Variants in HIPK2 observed in about 807,000 individuals in gnomAD.
HIPK2 encodes the protein homeodomain interacting protein kinase 2.
In HIPK2, 27 loss-of-function variants were observed where a neutral mutation model predicts 113.7. The ratio of observed to expected loss-of-function variants is 0.24; its 90% CI spans 0.17 to 0.33. The LOEUF is 0.33. Ranked by LOEUF, HIPK2 falls within the 10% of genes least tolerant of loss-of-function variation. HIPK2 has a pLI of 1.00. For missense variants in HIPK2, 1,257 were observed against 1,588.0 expected, an observed-to-expected ratio of 0.79 and a Z score of 3.54; for synonymous variants, 631 against 642.2, an observed-to-expected ratio of 0.98 and a Z score of 0.26.
At chr7:139,708,358 T>C (rs1794967123) in intron 2 of HIPK2, among the ~76,000 whole-genome samples, 1 of 151,600 alleles carries the variant, frequency 6.6e-6, no homozygotes, top group Non-Finnish European at 1.5e-5. Flanking sequence ...AAGTAAATCA[T>C]ACCTCAATAA....
At chr7:139,679,485 G>C (rs1802621176) in intron 2 of HIPK2, among the ~76,000 whole-genome samples, 1 of 152,066 alleles carries the variant, frequency 6.6e-6, no homozygotes, top group Non-Finnish European at 1.5e-5. Context: ...AATTGCATTA[G>C]GAACACTATA....
chr7:139,604,369 A>G (rs113943816), intron 9 of HIPK2, 146 bp from the exon 10 acceptor site: 1 of 1,144,470 alleles, frequency 8.7e-7, no homozygotes. Context: ...CTCAAAAACT[A>G]AAGTAAGGGG....
intron 2 of HIPK2, among the ~76,000 whole-genome samples, chr7:139,691,880 A>G (rs1794416836): frequency 6.6e-6 from 1 of 152,274 alleles, no homozygotes; most frequent in African/African-American, 2.4e-5. Flanking sequence ...TAAATAATAC[A>G]TTAAAAACCG....
chr7:139,762,314 A>G (rs942675308), intron 1 of HIPK2, among the ~76,000 whole-genome samples: 3 of 152,248 alleles, frequency 2.0e-5, no homozygotes, highest in Non-Finnish European at 4.4e-5. Flanking sequence ...AGATGAGGTG[A>G]TGGTTTGAGA....
intron 1 of HIPK2, among the ~76,000 whole-genome samples, chr7:139,770,611 T>C (rs1796634666): frequency 6.6e-6 from 1 of 152,246 alleles, no homozygotes; most frequent in Admixed American, 6.5e-5. Context: ...TGGAAGGTTC[T>C]ATGGTGATCT....
At chr7:139,759,161 C>CA (rs1796423615) in intron 1 of HIPK2, among the ~76,000 whole-genome samples, 1 of 152,082 alleles carries the variant, frequency 6.6e-6, no homozygotes, top group Non-Finnish European at 1.5e-5. Context: ...AAAATAAACA[C>CA]AAAATGACAT....
intron 1 of HIPK2, among the ~76,000 whole-genome samples, chr7:139,723,194 CTTT>C (rs71170911): frequency 1.4e-4 from 19 of 133,064 alleles, no homozygotes; most frequent in East Asian, 4.2e-4. Context: ...TTTCTTTCTT[CTTT>C]TTTTTTTTTT....
chr7:139,728,162 C>T (rs375664788), intron 1 of HIPK2, among the ~76,000 whole-genome samples: 4 of 152,090 alleles, frequency 2.6e-5, no homozygotes, highest in Admixed American at 6.5e-5. Context: ...AGGCTGGTCT[C>T]GAACTCCTGG....
chr7:139,743,318 G>C (rs1049810602), intron 1 of HIPK2, among the ~76,000 whole-genome samples: 1 of 152,214 alleles, frequency 6.6e-6, no homozygotes, highest in Admixed American at 6.5e-5. Flanking sequence ...TCAGAATAGA[G>C]AAGAATGTCC....
chr7:139,591,601 A>T (rs184108636), intron 12 of HIPK2, among the ~76,000 whole-genome samples: 2 of 152,314 alleles, frequency 1.3e-5, no homozygotes, highest in Admixed American at 1.3e-4. Flanking sequence ...CTCTTCTTCA[A>T]AATACACCCC....
intron 2 of HIPK2, among the ~76,000 whole-genome samples, chr7:139,697,858 A>C (rs1794606168): frequency 6.6e-6 from 1 of 151,364 alleles, no homozygotes; most frequent in African/African-American, 2.4e-5. Context: ...TTCTGTCTTA[A>C]TGGAATTTTT....
chr7:139,591,613 G>A (rs546852346), intron 12 of HIPK2, among the ~76,000 whole-genome samples: 2 of 152,286 alleles, frequency 1.3e-5, no homozygotes, highest in East Asian at 3.9e-4. Flanking sequence ...ATACACCCCT[G>A]AGCCACTCTA....
chr7:139,739,809 C>T (rs1206435654), intron 1 of HIPK2, among the ~76,000 whole-genome samples: 1 of 152,186 alleles, frequency 6.6e-6, no homozygotes, highest in Non-Finnish European at 1.5e-5. Context: ...TGGTATCACA[C>T]AATATGTATA....
chr7:139,692,908 C>T (rs1225823257), intron 2 of HIPK2, among the ~76,000 whole-genome samples: 3 of 152,144 alleles, frequency 2.0e-5, no homozygotes, highest in African/African-American at 4.8e-5. Flanking sequence ...GAAGCCAGGT[C>T]GTTTGGTTCC....
At chr7:139,696,665 A>G (rs998871137) in intron 2 of HIPK2, among the ~76,000 whole-genome samples, 3 of 152,174 alleles carry the variant, frequency 2.0e-5, no homozygotes, top group Non-Finnish European at 1.5e-5. Flanking sequence ...CCAAACCCAG[A>G]TACTTTTCAC....
chr7:139,674,124 T>C (rs549863474), intron 2 of HIPK2, among the ~76,000 whole-genome samples: 28 of 151,298 alleles, frequency 1.9e-4, no homozygotes, highest in Admixed American at 1.4e-3. Context: ...ACAAATATAG[T>C]AGAGAAGTTA....
At chr7:139,750,784 A>G (rs370799838) in intron 1 of HIPK2, among the ~76,000 whole-genome samples, 7 of 152,230 alleles carry the variant, frequency 4.6e-5, no homozygotes. Context: ...GATACCTCTC[A>G]GTGCTTCCTA....
intron 2 of HIPK2, among the ~76,000 whole-genome samples, chr7:139,651,539 C>T (rs2116472066): frequency 6.6e-6 from 1 of 152,298 alleles, no homozygotes; most frequent in South Asian, 2.1e-4. Flanking sequence ...AGATGCAGAC[C>T]TTAGTCATTA....
chr7:139,704,686 C>G (rs963091424), intron 2 of HIPK2, among the ~76,000 whole-genome samples: 1 of 152,206 alleles, frequency 6.6e-6, no homozygotes, highest in South Asian at 2.1e-4. Context: ...TGGCATCACT[C>G]CAGCCTTGGC....
Sources: gnomAD v4.1 joint callset for allele counts (sites outside exome capture counted in the v4.1 genomes callset) on GRCh38, gnomAD v4.1.1 for gene constraint, MANE v1.5 for transcripts, NCBI Gene and HGNC (gene_info 2026-07-23, HGNC 2026-07-21) for gene names.